The following ABCA12 variants were observed in gnomAD, a reference collection of about 807,000 sequenced individuals.
ABCA12 encodes the protein ATP binding cassette subfamily A member 12.
ABCA12 carries 156 observed loss-of-function variants against 293.5 expected under a neutral mutation model. The ratio of observed to expected loss-of-function variants is 0.53; its 90% CI spans 0.47 to 0.61. The LOEUF (loss-of-function observed/expected upper bound fraction) is 0.61. Ranked by LOEUF, ABCA12 falls within the 20% of genes least tolerant of loss-of-function variation. The pLI, the probability that ABCA12 is intolerant of heterozygous loss-of-function variation, is 0.00. For synonymous variants in ABCA12, 1,063 were observed against 1,108.0 expected (o/e 0.96, Z 0.81); for missense variants, 2,797 against 3,090.2 (o/e 0.91, Z 2.25).
chr2:215,011,892 T>C (rs1700384241), intron 16 of ABCA12, 79 bp downstream of exon 16: 8 of 1,385,742 alleles, frequency 5.8e-6, no homozygotes, highest in Non-Finnish European at 8.2e-6. Flanking sequence ...TGTACTACGA[T>C]TGAAGCTGAA....
At chr2:215,133,784 T>C (rs1473279743) in intron 1 of ABCA12, among the ~76,000 whole-genome samples, 2 of 152,150 alleles carry the variant, frequency 1.3e-5, no homozygotes, top group African/African-American at 4.8e-5. Flanking sequence ...AAATCATCAA[T>C]TTCCAAGGCC....
chr2:215,091,864 CA>C (rs1702154290), intron 2 of ABCA12, among the ~76,000 whole-genome samples: 1 of 152,226 alleles, frequency 6.6e-6, no homozygotes, highest in African/African-American at 2.4e-5. Context: ...GATCTTGCTT[CA>C]AGTGCCGGAA....
intron 20 of ABCA12, 105 bp downstream of exon 20, chr2:215,004,104 A>G: frequency 1.0e-6 from 1 of 967,606 alleles, no homozygotes. Flanking sequence ...AGCTAGCTAC[A>G]AACTAAGTAC....
chr2:214,984,290 G>C (rs1346100257), intron 28 of ABCA12, among the ~76,000 whole-genome samples: 1 of 151,892 alleles, frequency 6.6e-6, no homozygotes, highest in Non-Finnish European at 1.5e-5. Flanking sequence ...AGAGACGGGG[G>C]TTTCACTGTA....
Position 215,011,481 on chromosome 2 carries a change from T to C in ABCA12, c.2290A>G (p.Lys764Glu). Residue 764 changes from lysine to glutamate, a missense_variant, in exon 17 of 53, where the codon AAA becomes GAA. By Grantham distance (56) the Lys-to-Glu change is moderately conservative. Coordinates refer to ENST00000272895, the MANE Select transcript of ABCA12 (RefSeq NM_173076.3). Reference protein sequence around the residue: ...TKDFLTYKLTKEQIASKYGIP... With the variant: ...TKDFLTYKLTEEQIASKYGIP... ...CCATATTTTGAAGCAATTTGCTCTT[T>C]AGTTAATTTATAAGTCAAAAAATCC... 6.2e-7 allele frequency: 1 copy of C among 1,614,038 alleles called. No homozygotes were observed. Among genetic ancestry groups the C allele is most frequent in the Non-Finnish European group, 8.5e-7 (1 of 1,179,898 alleles).
At chr2:214,993,421 T>G (rs1487087456) in intron 23 of ABCA12, among the ~76,000 whole-genome samples, 2 of 152,258 alleles carry the variant, frequency 1.3e-5, no homozygotes, top group Non-Finnish European at 2.9e-5. Context: ...ATTCCAGCAA[T>G]TCTTTGCGTG....
In ABCA12 at chr2:215,026,874, G is replaced by GAATA; in HGVS notation, c.1122_1125dup (p.Pro376TyrfsTer12). 6.2e-7 allele frequency: 1 copy of GAATA among 1,613,712 alleles called. No homozygotes were observed. Among genetic ancestry groups the GAATA allele is most frequent in the Admixed American group, 1.7e-5 (1 of 60,018 alleles). On this transcript the variant is annotated frameshift_variant, in exon 10 of 53. Transcript: ENST00000272895. LOFTEE classifies it high-confidence loss of function. Reference sequence around the variant, plus strand: ...ACATTTCTCACACATGCCAAGTAAGGAATATAAGGACTATTTGCTGATATA... The same window carrying GAATA: ...ACATTTCTCACACATGCCAAGTAAGGAATAAATATAAGGACTATTTGCTGATATA...
intron 3 of ABCA12, among the ~76,000 whole-genome samples, chr2:215,063,291 C>T (rs1701572130): frequency 6.6e-6 from 1 of 151,882 alleles, no homozygotes; most frequent in Non-Finnish European, 1.5e-5. Flanking sequence ...TTAAATTTGG[C>T]AACTAAATAT....
chr2:215,021,131 G>A lies in ABCA12; in HGVS notation c.1288-1335C>T, dbSNP rs373754231. On this transcript the variant is annotated intron_variant, in intron 11 of 52. Transcript: ENST00000272895. ...CTCTGAGTGTTGGAATTACAGATGT[G>A]AGCCACTGTGGCCAGTCGACAATTT... Among the ~76,000 whole-genome samples the A allele has an allele frequency of 1.7e-3, 263 of 152,296 alleles. 1 individual carries two copies. Among genetic ancestry groups the A allele is most frequent in the African/African-American group, 6.0e-3 (248 of 41,560 alleles).
rs140826282 is a variant in ABCA12, at chr2:214,997,185, G to C, written c.3294+510C>G. Reference sequence around the variant, plus strand: ...AACATGAAATTCTTAGTTTCTATAAGTCAGGAGTCAGTGGGAAATGGAGAA... The same window carrying C: ...AACATGAAATTCTTAGTTTCTATAACTCAGGAGTCAGTGGGAAATGGAGAA... On this transcript the variant is annotated intron_variant, in intron 23 of 52. Coordinates refer to ENST00000272895, the MANE Select transcript of ABCA12 (RefSeq NM_173076.3). Among the ~76,000 whole-genome samples, 92 of 152,270 alleles carry C rather than the reference G, an allele frequency of 6.0e-4. 1 individual carries two copies. The highest frequency in any genetic ancestry group is 2.1e-3 in the African/African-American group (89 of 41,552).
At position 215,049,920 on chromosome 2, in the gene ABCA12, T is replaced by G. The variant is rs1248283639; in HGVS notation, c.508-109A>C. ...TGTCTTCAAAATAGCCATTTTGAGGTCCTCCATTATAGCAGCTATTAAAAT... is the reference window on the plus strand; with the variant it reads ...TGTCTTCAAAATAGCCATTTTGAGGGCCTCCATTATAGCAGCTATTAAAAT... On this transcript the variant is annotated intron_variant, in intron 5 of 52. Transcript: ENST00000272895. 3.2e-6 allele frequency: 3 copies of G among 942,038 alleles called. No homozygotes were observed. The Admixed American group carries it at 6.1e-5, about 19-fold the overall frequency. 58.4% of individuals were successfully genotyped at this position (942,038 alleles called of 1,614,324 possible).
intron 50 of ABCA12, among the ~76,000 whole-genome samples, chr2:214,940,855 CTCTTT>C (rs1200968802): frequency 6.6e-6 from 1 of 152,006 alleles, no homozygotes; most frequent in Non-Finnish European, 1.5e-5. Context: ...TGATTCTTCT[CTCTTT>C]TCTTCTTTAT....
At chr2:215,085,124 CA>C (rs979569638) in intron 2 of ABCA12, among the ~76,000 whole-genome samples, 6 of 143,204 alleles carry the variant, frequency 4.2e-5, no homozygotes, top group Non-Finnish European at 7.7e-5. Flanking sequence ...AACAAACAAA[CA>C]AAAAACACAT....
Position 215,049,767 on chromosome 2 carries a change from T to C in ABCA12, c.552A>G (p.Leu184=), listed in dbSNP as rs34273324. The C allele has an allele frequency of 0.011, 17,779 of 1,613,492 alleles. 1,644 individuals are homozygous for C. In the African/African-American group the frequency reaches 0.2, roughly 19 times the overall value. Residue 184 remains leucine (L), a synonymous_variant, in exon 6 of 53, where the codon CTA becomes CTG. Coordinates refer to ENST00000272895, the MANE Select transcript of ABCA12 (RefSeq NM_173076.3). ...CAATGTATCCTGAATAGCTGTCACA[T>C]AGTTCTCTTCGTATATCTTCTGAAG... ...NSTSEDIRRE[L]CDSYSGYIVD...
At chr2:215,135,275 T>A (rs1703200884) in intron 1 of ABCA12, among the ~76,000 whole-genome samples, 1 of 152,224 alleles carries the variant, frequency 6.6e-6, no homozygotes, top group South Asian at 2.1e-4. Flanking sequence ...TATACTTTTA[T>A]AATCAACACA....
chr2:214,987,376 A>C (rs1047068702), intron 27 of ABCA12, among the ~76,000 whole-genome samples: 10 of 148,216 alleles, frequency 6.7e-5, no homozygotes, highest in African/African-American at 2.5e-4. Context: ...CAAGGAACAA[A>C]ATTTTTCTCT....
rs775480951 is a variant in ABCA12, at chr2:215,064,080, T to C, written c.303A>G (p.Ala101=). 3.1e-6 allele frequency: 5 copies of C among 1,612,748 alleles called. No individual in the cohort carries two copies. Among genetic ancestry groups the C allele is most frequent in the South Asian group, 1.1e-5 (1 of 91,078 alleles). The change falls in exon 3 of 53, where the codon GCA becomes GCG. Residue 101 remains alanine (A), a synonymous_variant. Coordinates refer to ENST00000272895, the MANE Select transcript of ABCA12 (RefSeq NM_173076.3). The part of the protein sequence containing the change: ...DLLRRKGIDD[A]LFKDSEILRK... ...AGTGCCCCCACCTGTCTTTAAATAG[T>C]GCATCATCAATTCCTTTCCTACGAA...
chr2:215,019,850 T>A, intron 11 of ABCA12, 54 bp from the exon 12 acceptor site: 1 of 1,589,670 alleles, frequency 6.3e-7, no homozygotes, highest in Non-Finnish European at 8.5e-7. Flanking sequence ...TTTCTACATA[T>A]ATAGTAGTTG....
At chr2:214,941,667 C>CTCT (rs1332868260) in intron 50 of ABCA12, among the ~76,000 whole-genome samples, 5 of 152,054 alleles carry the variant, frequency 3.3e-5, no homozygotes, top group African/African-American at 1.2e-4. Flanking sequence ...GGATAGTTAG[C>CTCT]TCTTCTTGTT....
Sources: gnomAD v4.1 joint callset for allele counts (sites outside exome capture counted in the v4.1 genomes callset) on GRCh38, gnomAD v4.1.1 for gene constraint, MANE v1.5 for transcripts, NCBI Gene and HGNC (gene_info 2026-07-23, HGNC 2026-07-21) for gene names.